The following ITGAV variants were observed in gnomAD, a reference collection of about 807,000 sequenced individuals.
ITGAV encodes integrin alpha-V.
ITGAV carries 76 observed loss-of-function variants against 143.8 expected under a neutral mutation model. That is an observed-to-expected ratio of 0.53 (90% CI 0.44 to 0.64). The LOEUF (loss-of-function observed/expected upper bound fraction) is 0.64, where lower values mean the gene tolerates loss of function less well. ITGAV is among the 30% of genes least tolerant of loss of function. The pLI, the probability that ITGAV is intolerant of heterozygous loss-of-function variation, is 0.00. For synonymous variants in ITGAV, 453 were observed against 446.7 expected, an observed-to-expected ratio of 1.01 and a Z score of -0.18; for missense variants, 1,193 against 1,274.7, an observed-to-expected ratio of 0.94 and a Z score of 0.98.
intron 26 of ITGAV, among the ~76,000 whole-genome samples, chr2:186,674,218 T>G (rs1559070694): frequency 6.6e-6 from 1 of 152,134 alleles, no homozygotes; most frequent in Non-Finnish European, 1.5e-5. Context: ...TCAAGTGACT[T>G]TCCCACTTTG....
chr2:186,675,841 T>C lies in ITGAV; in HGVS notation c.2842T>C (p.Tyr948His). Residue 948 changes from tyrosine (Y) to histidine (H), a missense_variant, in exon 28 of 30, where the codon TAT becomes CAT. By Grantham distance (83) the Tyr-to-His change is moderately conservative. Transcript: ENST00000261023. ...ACAGAAAGAAAATCAGAATCATTCC[T>C]ATTCTCTGAAGTCGTCTGCTTCATT... ...FMNKENQNHS[Y>H]SLKSSASFNV... The C allele has an allele frequency of 6.2e-7, 1 of 1,605,198 alleles. No individual in the cohort carries two copies. The highest frequency in any genetic ancestry group is 8.5e-7 in the Non-Finnish European group (1 of 1,174,038).
At position 186,676,845 on chromosome 2, in the gene ITGAV, A is replaced by C; in HGVS notation, c.2961A>C (p.Pro987=). ...CTAATGTCACCTGGGGCATTCAGCC[A>C]GCGCCCATGCCTGTGCCTGTGTGGG... is the stretch of plus-strand genomic sequence containing the variant. ...VTTNVTWGIQ[P]APMPVPVWVI... The change falls in exon 29 of 30, where the codon CCA becomes CCC. Residue 987 remains proline, a synonymous_variant. Coordinates refer to ENST00000261023, the MANE Select transcript of ITGAV (RefSeq NM_002210.5). The C allele has an allele frequency of 2.5e-6, 4 of 1,614,120 alleles. No individual in the cohort carries two copies. Among genetic ancestry groups the C allele is most frequent in the Non-Finnish European group, 3.4e-6 (4 of 1,179,980 alleles).
intron 22 of ITGAV, 51 bp downstream of exon 22, chr2:186,666,834 T>A: frequency 5.2e-6 from 5 of 956,370 alleles, no homozygotes; most frequent in Non-Finnish European, 7.8e-6. Flanking sequence ...ATATTATTTG[T>A]TGTAAATATA....
intron 26 of ITGAV, among the ~76,000 whole-genome samples, chr2:186,671,383 C>T (rs761402943): frequency 6.6e-6 from 1 of 152,078 alleles, no homozygotes. Flanking sequence ...AACAGATAGC[C>T]CCAAGCATGT....
chr2:186,677,440 G>A lies in ITGAV; in HGVS notation c.*148G>A, dbSNP rs1689246305. On this transcript the variant is annotated 3_prime_UTR_variant, in exon 30 of 30. Coordinates refer to ENST00000261023, the MANE Select transcript of ITGAV (RefSeq NM_002210.5). ...TAACCACAAAATGAGAATTATATTT[G>A]TCAACCTTCTCCTTATAAATAAGTT... 4 of 605,158 alleles carry A rather than the reference G, an allele frequency of 6.6e-6. No individual in the cohort carries two copies. The highest frequency in any genetic ancestry group is 1.2e-5 in the Non-Finnish European group (4 of 337,658). 37.5% of individuals were successfully genotyped at this position (605,158 alleles called of 1,614,324 possible).
intron 2 of ITGAV, among the ~76,000 whole-genome samples, chr2:186,603,535 C>A (rs1298453257): frequency 2.0e-5 from 3 of 151,872 alleles, no homozygotes; most frequent in African/African-American, 4.8e-5. Context: ...ACTTGGAAAA[C>A]TCCAAGAGTT....
At chr2:186,643,938 T>C (rs914981408) in intron 12 of ITGAV, among the ~76,000 whole-genome samples, 1 of 152,190 alleles carries the variant, frequency 6.6e-6, no homozygotes, top group African/African-American at 2.4e-5. Flanking sequence ...TATGTTTTAA[T>C]GAATACTTTA....
chr2:186,658,205 G>T (rs182333311), intron 17 of ITGAV, among the ~76,000 whole-genome samples: 81 of 152,218 alleles, frequency 5.3e-4, no homozygotes, highest in African/African-American at 1.9e-3. Flanking sequence ...GATTAAAGAA[G>T]AAATATGTGA....
intron 14 of ITGAV, among the ~76,000 whole-genome samples, chr2:186,651,697 C>T (rs1688436257): frequency 6.6e-6 from 1 of 152,094 alleles, no homozygotes; most frequent in Admixed American, 6.6e-5. Flanking sequence ...TTTAGCCATT[C>T]TGCTTTAGTG....
chr2:186,659,215 T>A (rs773602968), intron 18 of ITGAV, 40 bp downstream of exon 18: 2 of 1,241,878 alleles, frequency 1.6e-6, no homozygotes, highest in African/African-American at 1.6e-5. Context: ...TATTTTGTTA[T>A]TTTTTTTTAC....
intron 2 of ITGAV, among the ~76,000 whole-genome samples, chr2:186,611,277 CAA>C (rs1687209403): frequency 1.3e-5 from 2 of 152,104 alleles, no homozygotes; most frequent in African/African-American, 4.8e-5. Flanking sequence ...TTTTGCCTTA[CAA>C]GGGTCACATA....
At chr2:186,661,945 G>A (rs1448427) in intron 18 of ITGAV, among the ~76,000 whole-genome samples, 47,537 of 151,778 alleles carry the variant, frequency 0.31, 8,376 homozygotes, top group East Asian at 0.76. Context: ...ATATATAACT[G>A]TAGAGACTTG....
rs200670826 is a variant in ITGAV, at chr2:186,676,908, G to C, written c.3024G>C (p.Leu1008=). The C allele has an allele frequency of 2.9e-5, 46 of 1,613,846 alleles. No individual in the cohort carries two copies. Among genetic ancestry groups the C allele is most frequent in the Non-Finnish European group, 3.7e-5 (44 of 1,179,960 alleles). The change falls in exon 29 of 30, where the codon CTG becomes CTC. Residue 1008 remains leucine (L), a synonymous_variant. Transcript: ENST00000261023. Reference sequence around the variant, plus strand: ...CAGTTCTAGCAGGATTGTTGCTACTGGCTGTTTTGGTATTTGTAATGTACA... The same window carrying C: ...CAGTTCTAGCAGGATTGTTGCTACTCGCTGTTTTGGTATTTGTAATGTACA... ...ILAVLAGLLL[L]AVLVFVMYRM...
chr2:186,600,953 C>CTT, intron 1 of ITGAV, among the ~76,000 whole-genome samples: 1 of 145,516 alleles, frequency 6.9e-6, no homozygotes, highest in Admixed American at 6.9e-5. Context: ...GAGCAAGACT[C>CTT]TGTCTCAAAA....
At chr2:186,613,117 A>G (rs980440953) in intron 2 of ITGAV, among the ~76,000 whole-genome samples, 2 of 146,788 alleles carry the variant, frequency 1.4e-5, no homozygotes, top group Admixed American at 6.8e-5. Flanking sequence ...ACCTGACTCA[A>G]CCCATTCTTT....
At chr2:186,673,833 A>G (rs1689132693) in intron 26 of ITGAV, among the ~76,000 whole-genome samples, 1 of 151,704 alleles carries the variant, frequency 6.6e-6, no homozygotes, top group Admixed American at 6.6e-5. Flanking sequence ...AGGACTGGCT[A>G]ATTTTTTGTA....
intron 26 of ITGAV, among the ~76,000 whole-genome samples, chr2:186,672,472 T>C (rs1280720583): frequency 6.6e-6 from 1 of 152,250 alleles, no homozygotes; most frequent in Non-Finnish European, 1.5e-5. Flanking sequence ...AAACTCTATG[T>C]TTAACTTTTG....
chr2:186,657,227 A>G (rs904015182), intron 17 of ITGAV, among the ~76,000 whole-genome samples: 2 of 152,176 alleles, frequency 1.3e-5, no homozygotes, highest in African/African-American at 4.8e-5. Flanking sequence ...TTTTATTTAA[A>G]GGAAAAAACA....
chr2:186,623,311 T>G (rs1687586125), intron 3 of ITGAV, among the ~76,000 whole-genome samples: 1 of 152,242 alleles, frequency 6.6e-6, no homozygotes. Flanking sequence ...ATTTTTATCT[T>G]TCTTGCACTG....
Sources: gnomAD v4.1 joint callset for allele counts (sites outside exome capture counted in the v4.1 genomes callset) on GRCh38, gnomAD v4.1.1 for gene constraint, MANE v1.5 for transcripts, NCBI Gene and HGNC (gene_info 2026-07-23, HGNC 2026-07-21) for gene names.